Variants in KCNQ1OT1 observed in about 807,000 individuals in gnomAD.
KCNQ1OT1 encodes KCNQ1 opposite strand/antisense transcript 1.
exon 1 of KCNQ1OT1, chr11:2,688,849 G>A (rs1434110810): frequency 5.0e-6 from 2 of 398,870 alleles, no homozygotes; most frequent in East Asian, 7.1e-5. Context: ...TCCAGGTGGA[G>A]AGGGCTGGGC....
chr11:2,654,761 G>C lies in KCNQ1OT1; in HGVS notation n.45234C>G. 2.5e-6 allele frequency: 1 copy of C among 398,682 alleles called. No homozygotes were observed. The highest frequency in any genetic ancestry group is 3.6e-5 in the East Asian group (1 of 28,050). The allele number at this position is 398,682 out of a possible 1,614,324, so 24.7% of individuals were successfully genotyped here. On this transcript the variant is annotated non_coding_transcript_exon_variant, in exon 1 of 1. Transcript: ENST00000597346. The surrounding 1 kb of genome is among the most constrained non-coding windows in gnomAD (Gnocchi z 6.4). Reference sequence around the variant, plus strand: ...GGAGGGGTCTGGGGCTCGATGAGAAGGCAGAGGAAGTGAGACCAGAATTTC... The same window carrying C: ...GGAGGGGTCTGGGGCTCGATGAGAACGCAGAGGAAGTGAGACCAGAATTTC...
At position 2,654,188 on chromosome 11, in the gene KCNQ1OT1, G is replaced by A. The variant is rs1029181208; in HGVS notation, n.45807C>T. On this transcript the variant is annotated non_coding_transcript_exon_variant, in exon 1 of 1. Coordinates refer to ENST00000597346, the Ensembl canonical transcript of KCNQ1OT1. The surrounding 1 kb of genome is among the most constrained non-coding windows in gnomAD (Gnocchi z 6.4). ...CAGCTGGCACAGGCTGTGGGGCTGC[G>A]GCTCAGCAATGTCACGCAGGGCCTG... The A allele has an allele frequency of 1.3e-5, 5 of 398,680 alleles. No individual in the cohort carries two copies. The highest frequency in any genetic ancestry group is 1.3e-4 in the South Asian group (1 of 7,860). The allele number at this position is 398,680 out of a possible 1,614,324, so 24.7% of individuals were successfully genotyped here.
rs1849589807 is a variant in KCNQ1OT1 at position 2,642,121 on chromosome 11, TC to T, written n.57873del. On this transcript the variant is annotated non_coding_transcript_exon_variant, in exon 1 of 1. Coordinates refer to ENST00000597346, the Ensembl canonical transcript of KCNQ1OT1. This position sits in a 1 kb window ranked among gnomAD's most constrained non-coding sequence, Gnocchi z 4.3. ...CTATTCCAGCTCTTTTTTGGTTCCA[TC>T]TGAATTTTAGGATTTTTTCTATTTC... 2 of 398,346 alleles carry T rather than the reference TC, an allele frequency of 5.0e-6. No homozygotes were observed. Among genetic ancestry groups the T allele is most frequent in the Non-Finnish European group, 8.9e-6 (2 of 225,968 alleles). The allele number at this position is 398,346 out of a possible 1,614,324, so 24.7% of individuals were successfully genotyped here. A position where few individuals can be genotyped will look rare whatever the true frequency, so the allele number is the denominator to read the frequency against.
chr11:2,698,605 A>G lies in KCNQ1OT1; in HGVS notation n.1390T>C. The G allele has an allele frequency of 2.5e-6, 1 of 398,364 alleles. No homozygotes were observed. The highest frequency in any genetic ancestry group is 4.4e-6 in the Non-Finnish European group (1 of 226,026). 24.7% of individuals were successfully genotyped at this position (398,364 alleles called of 1,614,324 possible). A position where few individuals can be genotyped will look rare whatever the true frequency, so the allele number is the denominator to read the frequency against. ...ACCTAGAGGCAGAACTTCGACTTCA[A>G]TTCCTGACTCCCATACCCCACTGAG... On this transcript the variant is annotated non_coding_transcript_exon_variant, in exon 1 of 1. Coordinates refer to ENST00000597346, the Ensembl canonical transcript of KCNQ1OT1. This position sits in a 1 kb window ranked among gnomAD's most constrained non-coding sequence, Gnocchi z 5.1.
rs1850342043 is a variant in KCNQ1OT1, at chr11:2,679,023, A to T, written n.20972T>A. 5.0e-6 allele frequency: 2 copies of T among 398,490 alleles called. No individual in the cohort carries two copies. Among genetic ancestry groups the T allele is most frequent in the Non-Finnish European group, 8.8e-6 (2 of 226,090 alleles). 24.7% of individuals were successfully genotyped at this position (398,490 alleles called of 1,614,324 possible). A position where few individuals can be genotyped will look rare whatever the true frequency, so the allele number is the denominator to read the frequency against. On this transcript the variant is annotated non_coding_transcript_exon_variant, in exon 1 of 1. Transcript: ENST00000597346. This position sits in a 1 kb window ranked among gnomAD's most constrained non-coding sequence, Gnocchi z 4.8. ...CCCGCAATAAGAAACATAATCTAAA[A>T]CTTGTAGCCCAGCCCCTCCTCCATA...
rs940292575 is a variant in KCNQ1OT1 at position 2,622,974 on chromosome 11, G to A, written n.77021C>T. On this transcript the variant is annotated non_coding_transcript_exon_variant, in exon 1 of 1. Transcript: ENST00000597346. ...AATGTGTAACATGTTGATATGGTTT[G>A]GCTCTGTGTTCCCACCCAAATCTCA... 3 of 398,582 alleles carry A rather than the reference G, an allele frequency of 7.5e-6. No homozygotes were observed. The East Asian group carries it at 1.1e-4, about 14-fold the overall frequency. 24.7% of individuals were successfully genotyped at this position (398,582 alleles called of 1,614,324 possible). A position where few individuals can be genotyped will look rare whatever the true frequency, so the allele number is the denominator to read the frequency against.
chr11:2,694,982 G>A (rs951201098), exon 1 of KCNQ1OT1: 1 of 398,558 alleles, frequency 2.5e-6, no homozygotes, highest in Non-Finnish European at 4.4e-6. Flanking sequence ...GAAGAAGAAG[G>A]CTGGCAGAGC....
At position 2,668,757 on chromosome 11, in the gene KCNQ1OT1, T is replaced by C; in HGVS notation, n.31238A>G. The C allele has an allele frequency of 2.5e-6, 1 of 398,638 alleles. No homozygotes were observed. Among genetic ancestry groups the C allele is most frequent in the East Asian group, 3.6e-5 (1 of 28,084 alleles). The allele number at this position is 398,638 out of a possible 1,614,324, so 24.7% of individuals were successfully genotyped here. A position where few individuals can be genotyped will look rare whatever the true frequency, so the allele number is the denominator to read the frequency against. ...GCCTCCCCCTCTGCAGGCTGCCTTC[T>C]TCCTCTCTTGATGGTGTCTTTTGAT... On this transcript the variant is annotated non_coding_transcript_exon_variant, in exon 1 of 1. Transcript: ENST00000597346. The surrounding 1 kb of genome is among the most constrained non-coding windows in gnomAD (Gnocchi z 4.3).
At position 2,651,621 on chromosome 11, in the gene KCNQ1OT1, GCCTGCC is replaced by G. The variant is rs1849757849; in HGVS notation, n.48368_48373del. ...CAGGTCCTCCAAGATTTGCTGATCT[GCCTGCC>G]CCACCTGGGGTCTCTGTCTCTCCCA... On this transcript the variant is annotated non_coding_transcript_exon_variant, in exon 1 of 1. Transcript: ENST00000597346. This position sits in a 1 kb window ranked among gnomAD's most constrained non-coding sequence, Gnocchi z 6.1. 3 of 398,550 alleles carry G rather than the reference GCCTGCC, an allele frequency of 7.5e-6. No homozygotes were observed. The highest frequency in any genetic ancestry group is 1.3e-5 in the Non-Finnish European group (3 of 226,122). The allele number at this position is 398,550 out of a possible 1,614,324, so 24.7% of individuals were successfully genotyped here.
Position 2,620,768 on chromosome 11 carries a change from T to G in KCNQ1OT1, n.79227A>C, listed in dbSNP as rs566613213. ...TCAGTTATTTGAGAAAACTCCAAAC[T>G]GCTTAGCACAGTGGCTGAACTAATT... On this transcript the variant is annotated non_coding_transcript_exon_variant, in exon 1 of 1. Transcript: ENST00000597346. This position sits in a 1 kb window ranked among gnomAD's most constrained non-coding sequence, Gnocchi z 4.5. The G allele has an allele frequency of 4.7e-4, 186 of 398,644 alleles. No individual in the cohort carries two copies. The highest frequency in any genetic ancestry group is 3.4e-3 in the African/African-American group (166 of 48,756). The allele number at this position is 398,644 out of a possible 1,614,324, so 24.7% of individuals were successfully genotyped here.
exon 1 of KCNQ1OT1, chr11:2,648,593 T>C: frequency 2.5e-6 from 1 of 398,562 alleles, no homozygotes; most frequent in Admixed American, 4.4e-5. Flanking sequence ...GAAGTTCCTC[T>C]TGTTATTGAT....
At chr11:2,639,385 G>A (rs555348228) in exon 1 of KCNQ1OT1, 27 of 152,332 alleles carry the variant, frequency 1.8e-4, no homozygotes, top group African/African-American at 6.3e-4. Context: ...TATAGATGGA[G>A]TTTTGGTGTG....
rs560256824 is a variant in KCNQ1OT1 at position 2,615,041 on chromosome 11, C to G, written n.84954G>C. The G allele has an allele frequency of 1.5e-5, 6 of 398,266 alleles. No homozygotes were observed. In the South Asian group the frequency reaches 7.7e-4, roughly 51 times the overall value. The allele number at this position is 398,266 out of a possible 1,614,324, so 24.7% of individuals were successfully genotyped here. A position where few individuals can be genotyped will look rare whatever the true frequency, so the allele number is the denominator to read the frequency against. On this transcript the variant is annotated non_coding_transcript_exon_variant, in exon 1 of 1. Transcript: ENST00000597346. ...ATCTGTGAACACAGGATGTATAGTT[C>G]TATTTATTTAAGTCTTCTTTAATTT...
exon 1 of KCNQ1OT1, chr11:2,694,016 G>T: frequency 2.5e-6 from 1 of 398,696 alleles, no homozygotes; most frequent in South Asian, 1.3e-4. Flanking sequence ...CCTCCAACTT[G>T]GTCAAGCCAC....
exon 1 of KCNQ1OT1, chr11:2,609,743 C>T: frequency 7.5e-6 from 3 of 398,268 alleles, no homozygotes; most frequent in Non-Finnish European, 1.3e-5. Flanking sequence ...TGTATCTTCT[C>T]ATGAATTGAC....
chr11:2,662,411 T>G (rs1849977715), exon 1 of KCNQ1OT1: 1 of 416,106 alleles, frequency 2.4e-6, no homozygotes, highest in Admixed American at 3.9e-5. Flanking sequence ...AAGAGACGAC[T>G]TTGTTTTTTA....
exon 1 of KCNQ1OT1, chr11:2,675,962 A>G: frequency 2.5e-6 from 1 of 398,646 alleles, no homozygotes; most frequent in Non-Finnish European, 4.4e-6. Context: ...AGAGTACAAA[A>G]GGGGTGAAAA....
chr11:2,689,343 A>T (rs1850550612), exon 1 of KCNQ1OT1: 1 of 398,522 alleles, frequency 2.5e-6, no homozygotes, highest in Non-Finnish European at 4.4e-6. Context: ...GCAGAGCTTG[A>T]GGCCTTTAGG....
exon 1 of KCNQ1OT1, chr11:2,609,371 A>T (rs1820304234): frequency 7.5e-6 from 3 of 398,438 alleles, no homozygotes; most frequent in Non-Finnish European, 1.3e-5. Context: ...ATTTCATTAT[A>T]TTCAGAAAAA....
Sources: gnomAD v4.1 joint callset for allele counts on GRCh38, gnomAD v4.1.1 for gene constraint, Gnocchi (gnomAD v3.1) non-coding constraint, MANE v1.5 for transcripts, NCBI Gene and HGNC (gene_info 2026-07-23, HGNC 2026-07-21) for gene names.